Variants in CLUAP1 observed in about 807,000 individuals in gnomAD.
CLUAP1 encodes intraflagellar transport 38.
CLUAP1 carries 50 observed loss-of-function variants against 55.0 expected under a neutral mutation model. The observed-to-expected ratio is 0.91, with a 90% CI of 0.72 to 1.15. The LOEUF (loss-of-function observed/expected upper bound fraction) is 1.15. Ranked by LOEUF, CLUAP1 falls within the 50% of genes most tolerant of loss-of-function variation. CLUAP1 has a pLI of 0.00. For missense variants in CLUAP1, 530 were observed against 507.6 expected (o/e 1.04, Z -0.42); for synonymous variants, 195 against 175.4 (o/e 1.11, Z -0.88).
chr16:3,500,890 C>T, upstream of CLUAP1: 3 of 664,766 alleles, frequency 4.5e-6, no homozygotes, highest in Non-Finnish European at 7.7e-6. Flanking sequence ...CGCTCTCTGC[C>T]GGCCCGCTCT....
At chr16:3,525,039 T>C (rs2037914708) in intron 8 of CLUAP1, among the ~76,000 whole-genome samples, 1 of 152,194 alleles carries the variant, frequency 6.6e-6, no homozygotes, top group Admixed American at 6.5e-5. Context: ...AGCTATTTTG[T>C]TGTCCAGGAG....
intron 6 of CLUAP1, among the ~76,000 whole-genome samples, chr16:3,519,461 C>T (rs1470126373): frequency 1.3e-5 from 2 of 152,222 alleles, no homozygotes; most frequent in East Asian, 3.8e-4. Context: ...TTTCTCTCCC[C>T]TCCTAGTAGA....
chr16:3,523,101 A>G (rs1417012611), intron 7 of CLUAP1, 57 bp from the exon 8 acceptor site: 4 of 1,447,280 alleles, frequency 2.8e-6, no homozygotes, highest in Non-Finnish European at 2.8e-6. Flanking sequence ...GTGAATACCC[A>G]TTTCAAACTA....
intron 10 of CLUAP1, among the ~76,000 whole-genome samples, chr16:3,532,061 A>G (rs947286012): frequency 1.9e-4 from 29 of 151,062 alleles, no homozygotes; most frequent in African/African-American, 6.8e-4. Context: ...CTGGTCTCGA[A>G]CTCCCAACCT....
At chr16:3,533,295 G>A in intron 11 of CLUAP1, 1 of 696,882 alleles carries the variant, frequency 1.4e-6, no homozygotes, top group South Asian at 1.7e-5. Context: ...GGTGACAGCG[G>A]GATCACTGAA....
At chr16:3,508,926 TGCGGGTG>T (rs2037562378) in intron 4 of CLUAP1, among the ~76,000 whole-genome samples, 1 of 151,002 alleles carries the variant, frequency 6.6e-6, no homozygotes, top group Non-Finnish European at 1.5e-5. Context: ...GAGTGAGTTG[TGCGGGTG>T]GCGGGTGGCG....
chr16:3,508,350 T>C lies in CLUAP1; in HGVS notation c.281T>C (p.Val94Ala). 1 of 1,610,196 alleles carries C rather than the reference T, an allele frequency of 6.2e-7. No individual in the cohort carries two copies. The highest frequency in any genetic ancestry group is 8.5e-7 in the Non-Finnish European group (1 of 1,179,014). Residue 94 changes from valine to alanine, a missense_variant, in exon 4 of 12, where the codon GTA becomes GCA. Coordinates refer to ENST00000576634, the MANE Select transcript of CLUAP1 (RefSeq NM_015041.3). ...CTTTATCAAGCAGATGGGTATGCGG[T>C]AAAAGAGCTGCTGAAGATCACATCT... ...KKLYQADGYAVKELLKITSVL... is the reference protein window; with the variant it reads ...KKLYQADGYAAKELLKITSVL...
intron 6 of CLUAP1, among the ~76,000 whole-genome samples, chr16:3,519,690 G>GA (rs998624114): frequency 2.7e-5 from 4 of 150,710 alleles, no homozygotes; most frequent in Non-Finnish European, 4.4e-5. Flanking sequence ...TTTTCATGGG[G>GA]AAAAAAAAAG....
chr16:3,529,475 T>A (rs2038020186), intron 9 of CLUAP1, among the ~76,000 whole-genome samples: 2 of 79,970 alleles, frequency 2.5e-5, no homozygotes, highest in Non-Finnish European at 2.2e-5. Flanking sequence ...ATATATTATA[T>A]TATATATTAT....
chr16:3,506,203 C>T (rs1052686640), intron 2 of CLUAP1, 128 bp from the exon 3 acceptor site: 2 of 727,584 alleles, frequency 2.7e-6, no homozygotes, highest in Admixed American at 2.2e-5. Context: ...GCCTTGATCT[C>T]ACTCTCCCAC....
intron 5 of CLUAP1, among the ~76,000 whole-genome samples, chr16:3,513,693 G>C (rs1013920974): frequency 6.6e-6 from 1 of 152,072 alleles, no homozygotes; most frequent in African/African-American, 2.4e-5. Context: ...CAAGTGATTC[G>C]CCTTCCTCGG....
chr16:3,498,897 A>C (rs190041615), upstream of CLUAP1, among the ~76,000 whole-genome samples: 319 of 106,340 alleles, frequency 3.0e-3, 4 homozygotes, highest in African/African-American at 7.9e-3. Flanking sequence ...CAACAACAAC[A>C]AAAAAAAGTG....
At position 3,508,301 on chromosome 16, in the gene CLUAP1, C is replaced by T; in HGVS notation, c.232C>T (p.His78Tyr). Reference protein sequence around the residue: ...AIAQFMATKAHIKLNTKKLYQ... With the variant: ...AIAQFMATKAYIKLNTKKLYQ... ...GGTCTAAAAATAGGCCACCAAGGCA[C>T]ATATAAAACTCAACACTAAGAAGCT... Residue 78 changes from histidine (H) to tyrosine (Y), a missense_variant, in exon 4 of 12, where the codon CAT becomes TAT. By Grantham distance (83) the His-to-Tyr change is moderately conservative. Coordinates refer to ENST00000576634, the MANE Select transcript of CLUAP1 (RefSeq NM_015041.3). The T allele has an allele frequency of 9.4e-6, 15 of 1,594,220 alleles. No homozygotes were observed. The highest frequency in any genetic ancestry group is 1.3e-5 in the Non-Finnish European group (15 of 1,174,892).
chr16:3,495,752 G>C, the CLUAP1 span, among the ~76,000 whole-genome samples: 1 of 152,206 alleles, frequency 6.6e-6, no homozygotes, highest in South Asian at 2.1e-4. Flanking sequence ...TCCTCATCTG[G>C]GGTGGGAAAT....
rs749983454 is a variant in CLUAP1, at chr16:3,530,621, T to A, written c.982T>A (p.Leu328Met). 4 of 1,613,884 alleles carry A rather than the reference T, an allele frequency of 2.5e-6. No homozygotes were observed. The highest frequency in any genetic ancestry group is 3.4e-6 in the Non-Finnish European group (4 of 1,179,964). ...IQEDDESDSE[L>M]EERRLPKPQT... is the part of the protein sequence containing the mutation. ...GGAGGACGATGAATCCGACAGTGAG[T>A]TGGAAGAAAGGCGGCTGCCCAAGCC... The change falls in exon 10 of 12, where the codon TTG becomes ATG. Residue 328 changes from leucine to methionine, a missense_variant. Coordinates refer to ENST00000576634, the MANE Select transcript of CLUAP1 (RefSeq NM_015041.3).
intron 9 of CLUAP1, among the ~76,000 whole-genome samples, chr16:3,527,915 C>A (rs2037979106): frequency 6.6e-6 from 1 of 152,178 alleles, no homozygotes; most frequent in South Asian, 2.1e-4. Context: ...TTACCCTGCC[C>A]CTTTGTCTTG....
intron 2 of CLUAP1, 133 bp downstream of exon 2, chr16:3,504,964 G>GT: frequency 1.5e-6 from 1 of 649,768 alleles, no homozygotes; most frequent in South Asian, 1.8e-5. Flanking sequence ...GCTGTATTCT[G>GT]TTACAAAGGA....
intron 6 of CLUAP1, among the ~76,000 whole-genome samples, chr16:3,518,439 A>C (rs1484865184): frequency 6.6e-6 from 1 of 152,236 alleles, no homozygotes; most frequent in Non-Finnish European, 1.5e-5. Flanking sequence ...GGGTACTTAA[A>C]AGGGTTTGGG....
intron 4 of CLUAP1, among the ~76,000 whole-genome samples, chr16:3,509,157 G>A (rs2037568673): frequency 6.6e-6 from 1 of 152,142 alleles, no homozygotes; most frequent in Non-Finnish European, 1.5e-5. Context: ...CTGCCCAGGA[G>A]GCTGAGGTGG....
Sources: allele counts gnomAD v4.1 joint callset (sites outside exome capture counted in the v4.1 genomes callset), GRCh38; gene constraint gnomAD v4.1.1; transcripts MANE v1.5; gene names NCBI Gene and HGNC (gene_info 2026-07-23, HGNC 2026-07-21).